The following SFTPC variants were observed in gnomAD, a reference collection of about 807,000 sequenced individuals.
SFTPC encodes BRICHOS domain containing 6.
In SFTPC, 12 loss-of-function variants were observed where a neutral mutation model predicts 19.9. That is an observed-to-expected ratio of 0.60 (90% CI 0.39 to 0.98). The LOEUF is 0.98. Ranked by LOEUF, SFTPC falls within the 50% of genes least tolerant of loss-of-function variation. The pLI is 0.00. For synonymous variants in SFTPC, 123 were observed against 103.3 expected, an observed-to-expected ratio of 1.19 and a Z score of -1.16; for missense variants, 219 against 252.2, an observed-to-expected ratio of 0.87 and a Z score of 0.89.
chr8:22,160,962 G>A (rs1022766059), upstream of SFTPC, among the ~76,000 whole-genome samples: 1 of 152,182 alleles, frequency 6.6e-6, no homozygotes, highest in Non-Finnish European at 1.5e-5. Context: ...AGACCACAGG[G>A]TGAGTGAGCT....
chr8:22,161,785 A>C (rs753248473), upstream of SFTPC: 7 of 1,613,892 alleles, frequency 4.3e-6, no homozygotes, highest in Non-Finnish European at 5.9e-6. Context: ...GACCCTGGTC[A>C]CACCTGGGAG....
At chr8:22,157,577 C>G (rs1217365369), upstream of SFTPC, 1 of 152,524 alleles carries the variant, frequency 6.6e-6, no homozygotes, top group Non-Finnish European at 1.5e-5. Context: ...CCCACTCTGC[C>G]CAGCTTCAAG....
At chr8:22,159,299 TAA>T (rs1827621546), upstream of SFTPC, among the ~76,000 whole-genome samples, 1 of 151,902 alleles carries the variant, frequency 6.6e-6, no homozygotes, top group Non-Finnish European at 1.5e-5. Flanking sequence ...AATAATTAAA[TAA>T]ATAAAATAAA....
At chr8:22,158,338 T>C (rs1827579528), upstream of SFTPC, among the ~76,000 whole-genome samples, 2 of 152,044 alleles carry the variant, frequency 1.3e-5, no homozygotes, top group Non-Finnish European at 2.9e-5. Context: ...AGGGAAGCAG[T>C]GAGGGTAGGG....
At chr8:22,161,758 C>T (rs1276862497), upstream of SFTPC, 46 of 1,613,502 alleles carry the variant, frequency 2.9e-5, no homozygotes, top group Non-Finnish European at 3.9e-5. Context: ...GTCCCCTCTC[C>T]CTACGGACAC....
Position 22,162,689 on chromosome 8 carries a change from C to A in SFTPC, c.158C>A (p.Ala53Asp), listed in dbSNP as rs1380423232. The A allele has an allele frequency of 2.5e-6, 4 of 1,614,166 alleles. No individual in the cohort carries two copies. The highest frequency in any genetic ancestry group is 2.2e-5 in the South Asian group (2 of 91,082). Residue 53 changes from alanine (A) to aspartate (D), a missense_variant, in exon 2 of 6, where the codon GCC becomes GAC. Ala to Asp is a moderately radical substitution (Grantham distance 126). Transcript: ENST00000679463. ...CTCATCGTCGTGGTGATTGTGGGAG[C>A]CCTGCTCATGGGTCTCCACATGAGC... ...VVLIVVVIVG[A>D]LLMGLHMSQK...
At chr8:22,163,287 A>C in intron 3 of SFTPC, 85 bp downstream of exon 3, 1 of 1,586,082 alleles carries the variant, frequency 6.3e-7, no homozygotes, top group Non-Finnish European at 8.7e-7. Context: ...ATCCACATCC[A>C]TCTCTCCCTC....
At chr8:22,161,173 A>G (rs1205081559), upstream of SFTPC, among the ~76,000 whole-genome samples, 1 of 152,248 alleles carries the variant, frequency 6.6e-6, no homozygotes, top group African/African-American at 2.4e-5. Context: ...TTCCAGAATT[A>G]GGAAAATAAT....
rs527723291 is a variant in SFTPC at position 22,163,157 on chromosome 8, C to A, written c.279C>A (p.Thr93=). ...GTGAGCACCTGGTTACCACTGCCAC[C>A]TTCTCCATCGGCTCCACTGGCCTCG... ...ALSEHLVTTA[T]FSIGSTGLVV... Residue 93 remains threonine, a synonymous_variant, in exon 3 of 6, where the codon ACC becomes ACA. Coordinates refer to ENST00000679463, the MANE Select transcript of SFTPC (RefSeq NM_001317778.2). The A allele has an allele frequency of 1.9e-5, 30 of 1,614,176 alleles. No individual in the cohort carries two copies. The South Asian group carries it at 3.1e-4, about 17-fold the overall frequency.
chr8:22,163,408 C>T lies in SFTPC; in HGVS notation c.325-28C>T, dbSNP rs371594079. ...AGGGAGAGAGCAGGGCAGGGACCCC[C>T]GAATGATCTCCAGCATTCTGTGCCT... On this transcript the variant is annotated intron_variant, in intron 3 of 5. Coordinates refer to ENST00000679463, the MANE Select transcript of SFTPC (RefSeq NM_001317778.2). 1.4e-5 allele frequency: 22 copies of T among 1,591,342 alleles called. No homozygotes were observed. In the Middle Eastern group the frequency reaches 5.0e-4, roughly 36 times the overall value.
At chr8:22,159,677 A>G, upstream of SFTPC, 1 of 790,672 alleles carries the variant, frequency 1.3e-6, no homozygotes, top group South Asian at 1.4e-5. Flanking sequence ...TTTTTCAAAG[A>G]AAGAGATCCC....
chr8:22,160,502 T>G (rs1458491984), upstream of SFTPC, among the ~76,000 whole-genome samples: 1 of 152,164 alleles, frequency 6.6e-6, no homozygotes, highest in Non-Finnish European at 1.5e-5. Flanking sequence ...TCCCAGCTAC[T>G]TGGGATGCTG....
chr8:22,161,996 T>C (rs1827749339), intron 1 of SFTPC, 126 bp downstream of exon 1: 3 of 1,019,376 alleles, frequency 2.9e-6, no homozygotes, highest in Admixed American at 3.9e-5. Flanking sequence ...CCTAGGACTG[T>C]GATAAGTCAG....
chr8:22,160,543 C>G (rs1389285057), upstream of SFTPC, among the ~76,000 whole-genome samples: 3 of 152,162 alleles, frequency 2.0e-5, no homozygotes, highest in Non-Finnish European at 4.4e-5. Context: ...TCCAGGAGGT[C>G]AACGCTGCAG....
chr8:22,164,212 C>A lies in SFTPC; in HGVS notation c.*19-54C>A, dbSNP rs187232702. The A allele has an allele frequency of 9.6e-4, 1,456 of 1,518,664 alleles. 7 individuals are homozygous for A. Among genetic ancestry groups the A allele is most frequent in the Middle Eastern group, 9.3e-3 (55 of 5,944 alleles). 94.1% of individuals were successfully genotyped at this position (1,518,664 alleles called of 1,614,324 possible). On this transcript the variant is annotated intron_variant, in intron 5 of 5. Transcript: ENST00000679463. The stretch of plus-strand genomic sequence containing the variant: ...GGGAGGGGAAGCTCACAGACCGGTA[C>A]TTCCCACTCCCCTGATTCTCTCTGT...
At chr8:22,162,106 C>A (rs1480629240) in intron 1 of SFTPC, among the ~76,000 whole-genome samples, 1 of 152,082 alleles carries the variant, frequency 6.6e-6, no homozygotes, top group Non-Finnish European at 1.5e-5. Context: ...CCGTAGACAG[C>A]CCTGAGTCAG....
intron 5 of SFTPC, 87 bp downstream of exon 5, chr8:22,164,146 G>A: frequency 1.3e-6 from 2 of 1,566,700 alleles, no homozygotes; most frequent in South Asian, 1.2e-5. Context: ...CTGACCAGGC[G>A]CTGGGGCGTC....
rs371321234 is a variant in SFTPC at position 22,162,593 on chromosome 8, G to C, written c.62G>C (p.Arg21Pro). ...TGTCAGGACTACTCCGCAGCTCCCCGGGGCCGATTTGGCATTCCCTGCTGC... is the reference window on the plus strand; with the variant it reads ...TGTCAGGACTACTCCGCAGCTCCCCCGGGCCGATTTGGCATTCCCTGCTGC... ...ESPPDYSAAP[R>P]GRFGIPCCPV... Residue 21 changes from arginine to proline, a missense_variant, in exon 2 of 6, where the codon CGG (arginine) becomes CCG (proline). Coordinates refer to ENST00000679463, the MANE Select transcript of SFTPC (RefSeq NM_001317778.2). The C allele has an allele frequency of 6.2e-7, 1 of 1,613,970 alleles. No individual in the cohort carries two copies. The highest frequency in any genetic ancestry group is 1.1e-5 in the South Asian group (1 of 91,066).
At position 22,162,560 on chromosome 8, in the gene SFTPC, C is replaced by T. The variant is rs1353530809; in HGVS notation, c.43-14C>T. The T allele has an allele frequency of 3.7e-6, 6 of 1,613,004 alleles. No individual in the cohort carries two copies. In the South Asian group the frequency reaches 4.4e-5, roughly 12 times the overall value. On this transcript the variant is annotated splice_polypyrimidine_tract_variant and intron_variant, in intron 1 of 5. Coordinates refer to ENST00000679463, the MANE Select transcript of SFTPC (RefSeq NM_001317778.2). ...GACCTCATGCCTGTCTCCTTGCCTG[C>T]CCCACCGTGTCAGGACTACTCCGCA...
Sources: gnomAD v4.1 joint callset for allele counts (sites outside exome capture counted in the v4.1 genomes callset) on GRCh38, gnomAD v4.1.1 for gene constraint, MANE v1.5 for transcripts, NCBI Gene and HGNC (gene_info 2026-07-23, HGNC 2026-07-21) for gene names.